The following HDAC9 variants were observed in gnomAD, a reference collection of about 807,000 sequenced individuals.
HDAC9 encodes MEF-2 interacting transcription repressor (MITR) protein.
HDAC9 carries 41 observed loss-of-function variants against 139.4 expected under a neutral mutation model. The observed-to-expected ratio is 0.29, with a 90% confidence interval of 0.23 to 0.38. The LOEUF is 0.38. HDAC9 is among the 10% of genes least tolerant of loss of function. The probability of loss-of-function intolerance (pLI) is 1.00; values close to 1 mark genes in which losing one functional copy is unlikely to be tolerated. For synonymous variants in HDAC9, 517 were observed against 476.2 expected, an observed-to-expected ratio of 1.09 and a Z score of -1.12; for missense variants, 1,147 against 1,297.0, an observed-to-expected ratio of 0.88 and a Z score of 1.78.
intron 23 of HDAC9, 25 bp downstream of exon 23, chr7:18,935,967 G>A (rs775921192): frequency 4.4e-6 from 7 of 1,602,636 alleles, no homozygotes; most frequent in East Asian, 2.2e-5. Context: ...GTACAAAGGG[G>A]CAGGGGTAAA....
At chr7:18,733,025 A>ACACATGTGTATGTGTGTATATG (rs1562894180) in intron 13 of HDAC9, among the ~76,000 whole-genome samples, 39 of 142,072 alleles carry the variant, frequency 2.7e-4, no homozygotes, top group African/African-American at 1.0e-3. Context: ...GTGTGTATAT[A>ACACATGTGTATGTGTGTATATG]TGTATATATA....
In HDAC9 at chr7:18,763,113, G is replaced by T. The variant is rs573674589; in HGVS notation, c.2164+836G>T. Among the ~76,000 whole-genome samples the T allele has an allele frequency of 1.3e-5, 2 of 152,108 alleles. 1 individual carries two copies. The highest frequency in any genetic ancestry group is 2.9e-5 in the Non-Finnish European group (2 of 68,012). On this transcript the variant is annotated intron_variant, in intron 15 of 25. Coordinates refer to ENST00000686413, the MANE Select transcript of HDAC9 (RefSeq NM_178425.4). ...TTAGGAGTTTTTCCTTCAAATAAAT[G>T]TATTGTGTCAGCTCTAAGTTATTGA...
intron 13 of HDAC9, among the ~76,000 whole-genome samples, chr7:18,747,127 T>C (rs542210697): frequency 1.3e-5 from 2 of 152,284 alleles, no homozygotes; most frequent in South Asian, 4.1e-4. Context: ...AAGGCTTTTG[T>C]AGGCGAAATA....
chr7:18,719,567 T>A (rs1784984993), intron 12 of HDAC9, among the ~76,000 whole-genome samples: 1 of 152,160 alleles, frequency 6.6e-6, no homozygotes, highest in African/African-American at 2.4e-5. Flanking sequence ...CTTGAACTCC[T>A]GACCTCAGGT....
intron 2 of HDAC9, among the ~76,000 whole-genome samples, chr7:18,241,048 T>C (rs1310992929): frequency 6.6e-6 from 1 of 152,142 alleles, no homozygotes; most frequent in African/African-American, 2.4e-5. Flanking sequence ...GGAGATACCC[T>C]TAGGGGATTA....
At chr7:18,097,243 T>C (rs1159367872) in intron 1 of HDAC9, among the ~76,000 whole-genome samples, 1 of 152,188 alleles carries the variant, frequency 6.6e-6, no homozygotes, top group Non-Finnish European at 1.5e-5. Context: ...TAATTGGATG[T>C]TGTTATTTGA....
At chr7:18,630,762 A>G (rs191602261) in intron 7 of HDAC9, among the ~76,000 whole-genome samples, 20 of 152,232 alleles carry the variant, frequency 1.3e-4, no homozygotes, top group Admixed American at 1.1e-3. Context: ...CCCAGGAAAT[A>G]CTATTGTATG....
At chr7:18,747,382 G>C (rs1182869482) in intron 13 of HDAC9, among the ~76,000 whole-genome samples, 1 of 152,172 alleles carries the variant, frequency 6.6e-6, no homozygotes, top group Admixed American at 6.5e-5. Context: ...TGGAGATAAG[G>C]AGAATGAATA....
rs1210055752 is a variant in HDAC9, at chr7:18,685,629, A to G, written c.1731+19153A>G. ...TTTAAAATTCTAACTAGTAGAAAAA[A>G]GATTTGTTCAGTGTTTAAGAAAATG... On this transcript the variant is annotated intron_variant, in intron 12 of 25. Coordinates refer to ENST00000686413, the MANE Select transcript of HDAC9 (RefSeq NM_178425.4). Among the ~76,000 whole-genome samples the G allele has an allele frequency of 2.0e-5, 3 of 151,958 alleles. No individual in the cohort carries two copies. In the East Asian group the frequency reaches 5.8e-4, roughly 29 times the overall value.
At position 18,762,240 on chromosome 7, in the gene HDAC9, C is replaced by T. The variant is rs369887503; in HGVS notation, c.2127C>T (p.Pro709=). 4.6e-5 allele frequency: 75 copies of T among 1,613,524 alleles called. No homozygotes were observed. In the Admixed American group the frequency reaches 1.1e-3, roughly 24 times the overall value. Reference sequence around the variant, plus strand: ...ACTCACTGTTGTATGGCACCAACCCCCTGGACGGACAGAAGCTGGACCCCA... The same window carrying T: ...ACTCACTGTTGTATGGCACCAACCCTCTGGACGGACAGAAGCTGGACCCCA... ...EHHSLLYGTN[P]LDGQKLDPRI... is the part of the protein sequence containing the mutation. The change falls in exon 15 of 26, where the codon CCC becomes CCT. Residue 709 remains proline (P), a synonymous_variant. Coordinates refer to ENST00000686413, the MANE Select transcript of HDAC9 (RefSeq NM_178425.4).
intron 2 of HDAC9, chr7:18,502,731 C>T (rs1378402558): frequency 1.3e-5 from 2 of 151,974 alleles, no homozygotes; most frequent in African/African-American, 4.8e-5. Context: ...GAAGAAGCCC[C>T]CTAATAAAGA....
At chr7:18,957,795 C>T (rs1164295865) in intron 24 of HDAC9, among the ~76,000 whole-genome samples, 2 of 152,136 alleles carry the variant, frequency 1.3e-5, no homozygotes, top group African/African-American at 4.8e-5. Context: ...CAAGTGCCTC[C>T]TTTCAACTTT....
intron 25 of HDAC9, among the ~76,000 whole-genome samples, chr7:18,980,377 C>T (rs1026758697): frequency 3.5e-4 from 53 of 152,198 alleles, no homozygotes; most frequent in African/African-American, 1.2e-3. Flanking sequence ...TCAATCCTAT[C>T]CTCTTACCAC....
chr7:18,594,782 C>G (rs1388975683), intron 6 of HDAC9, among the ~76,000 whole-genome samples: 1 of 152,098 alleles, frequency 6.6e-6, no homozygotes, highest in Middle Eastern at 3.4e-3. Flanking sequence ...TGTGTACATT[C>G]TATTCTAAAT....
intron 22 of HDAC9, among the ~76,000 whole-genome samples, chr7:18,922,065 C>G (rs1312924291): frequency 2.0e-5 from 2 of 100,564 alleles, no homozygotes; most frequent in Non-Finnish European, 3.8e-5. Context: ...ACATCACACA[C>G]TGGGGCCTGT....
chr7:18,654,974 G>A (rs1019463655), intron 11 of HDAC9, among the ~76,000 whole-genome samples: 7 of 152,080 alleles, frequency 4.6e-5, no homozygotes, highest in East Asian at 1.9e-4. Context: ...TTCCTTTCTC[G>A]CATGTTGTCA....
chr7:18,781,085 C>A (rs117048308), intron 16 of HDAC9, among the ~76,000 whole-genome samples: 1 of 151,984 alleles, frequency 6.6e-6, no homozygotes, highest in African/African-American at 2.4e-5. Flanking sequence ...CTCATTGTGG[C>A]CTCACAAGCT....
chr7:18,739,847 T>G (rs948009294), intron 13 of HDAC9, among the ~76,000 whole-genome samples: 1 of 152,184 alleles, frequency 6.6e-6, no homozygotes, highest in African/African-American at 2.4e-5. Context: ...TCTGCTTCCT[T>G]TTGTTCAGCT....
intron 1 of HDAC9, among the ~76,000 whole-genome samples, chr7:18,383,854 A>G (rs776444943): frequency 6.6e-6 from 1 of 150,916 alleles, no homozygotes; most frequent in Admixed American, 6.6e-5. Flanking sequence ...GCACCACTGC[A>G]CTCCAGCCTG....
Sources: gnomAD v4.1 joint callset for allele counts (sites outside exome capture counted in the v4.1 genomes callset) on GRCh38, gnomAD v4.1.1 for gene constraint, MANE v1.5 for transcripts, NCBI Gene and HGNC (gene_info 2026-07-23, HGNC 2026-07-21) for gene names.